The following RYR2 variants were observed in gnomAD, a reference collection of about 807,000 sequenced individuals.
RYR2 encodes the protein cardiac muscle ryanodine receptor-calcium release channel.
A neutral mutation model predicts 601.1 loss-of-function variants in RYR2; 227 were observed. That is an observed-to-expected ratio of 0.38 (90% CI 0.34 to 0.42). The LOEUF is 0.42. Ranked by LOEUF, RYR2 falls within the 10% of genes least tolerant of loss-of-function variation. The pLI, the probability that RYR2 is intolerant of heterozygous loss-of-function variation, is 1.00. For synonymous variants in RYR2, 2,223 were observed against 2,175.1 expected, an observed-to-expected ratio of 1.02 and a Z score of -0.61; for missense variants, 4,646 against 6,156.5, an observed-to-expected ratio of 0.75 and a Z score of 8.21.
chr1:237,137,094 C>A (rs181676558), intron 1 of RYR2, among the ~76,000 whole-genome samples: 158 of 150,746 alleles, frequency 1.0e-3, no homozygotes, highest in Admixed American at 3.4e-3. Flanking sequence ...CCATACTGTT[C>A]ATGGGCTATA....
chr1:237,696,906 C>T (rs1687501133), intron 63 of RYR2, among the ~76,000 whole-genome samples: 2 of 152,114 alleles, frequency 1.3e-5, no homozygotes, highest in Non-Finnish European at 2.9e-5. Context: ...CCCTAATTAT[C>T]TTCCACTTTT....
At chr1:237,256,862 CTT>C (rs1410889877) in intron 1 of RYR2, among the ~76,000 whole-genome samples, 1 of 152,164 alleles carries the variant, frequency 6.6e-6, no homozygotes, top group Admixed American at 6.5e-5. Context: ...ATTTGAGTGA[CTT>C]TACTTGAGGC....
At chr1:237,592,717 C>T (rs922190590) in intron 32 of RYR2, among the ~76,000 whole-genome samples, 4 of 150,972 alleles carry the variant, frequency 2.6e-5, no homozygotes, top group Admixed American at 1.3e-4. Context: ...AGGTGGGTGA[C>T]GAGTATAAAA....
At chr1:237,127,633 C>T (rs1444507014) in intron 1 of RYR2, among the ~76,000 whole-genome samples, 22 of 144,314 alleles carry the variant, frequency 1.5e-4, no homozygotes, top group African/African-American at 3.9e-4. Flanking sequence ...CCAGACGGGG[C>T]GGCTGCCGGG....
chr1:237,631,590 A>G (rs1573223069), intron 42 of RYR2, 49 bp downstream of exon 42: 2 of 550,982 alleles, frequency 3.6e-6, no homozygotes, highest in Non-Finnish European at 6.1e-6. Flanking sequence ...CTCCTGGAGT[A>G]TATAGATTGA....
At chr1:237,565,339 C>T (rs953367185) in intron 27 of RYR2, among the ~76,000 whole-genome samples, 4 of 151,872 alleles carry the variant, frequency 2.6e-5, no homozygotes, top group Non-Finnish European at 5.9e-5. Flanking sequence ...GACCATAGCT[C>T]ACTGCAACCT....
chr1:237,373,248 C>T (rs1414740375), intron 6 of RYR2, among the ~76,000 whole-genome samples: 1 of 152,122 alleles, frequency 6.6e-6, no homozygotes, highest in African/African-American at 2.4e-5. Context: ...GTTTAGGGAC[C>T]CTGGGAGCCT....
At chr1:237,817,755 A>C (rs1661993980) in intron 100 of RYR2, among the ~76,000 whole-genome samples, 1 of 152,196 alleles carries the variant, frequency 6.6e-6, no homozygotes, top group Non-Finnish European at 1.5e-5. Context: ...GGCAAAGGAG[A>C]CTGGAAAGCA....
chr1:237,380,664 A>G (rs193221448), intron 8 of RYR2, among the ~76,000 whole-genome samples: 239 of 151,982 alleles, frequency 1.6e-3, no homozygotes, highest in Middle Eastern at 0.01. Flanking sequence ...TAAAGAAGTT[A>G]GGCATGGTAG....
chr1:237,552,792 G>T (rs774321582), intron 27 of RYR2, among the ~76,000 whole-genome samples: 6 of 151,904 alleles, frequency 3.9e-5, no homozygotes, highest in Non-Finnish European at 7.4e-5. Flanking sequence ...ATAGATGGAT[G>T]ATGTGGGTTG....
chr1:237,813,245 G>A (rs967030129), intron 100 of RYR2, among the ~76,000 whole-genome samples: 6 of 152,156 alleles, frequency 3.9e-5, no homozygotes, highest in African/African-American at 1.2e-4. Context: ...AGGAAATTCA[G>A]TTCTATTCTA....
chr1:237,702,679 C>T (rs910440719), intron 66 of RYR2, among the ~76,000 whole-genome samples: 2 of 152,022 alleles, frequency 1.3e-5, no homozygotes, highest in Non-Finnish European at 2.9e-5. Flanking sequence ...AATTTCAGTA[C>T]AGCAAATTAC....
intron 2 of RYR2, among the ~76,000 whole-genome samples, chr1:237,314,257 G>C (rs893024888): frequency 6.6e-6 from 1 of 151,696 alleles, no homozygotes; most frequent in Non-Finnish European, 1.5e-5. Context: ...TTAGAGACAG[G>C]GTTTCACCAT....
intron 65 of RYR2, 39 bp from the exon 66 acceptor site, chr1:237,701,939 G>A: frequency 3.5e-6 from 4 of 1,148,284 alleles, no homozygotes; most frequent in Non-Finnish European, 2.6e-6. Flanking sequence ...GTATAAATAA[G>A]TGGGTTTTTC....
intron 1 of RYR2, among the ~76,000 whole-genome samples, chr1:237,141,971 C>T (rs1239021756): frequency 6.6e-6 from 1 of 152,228 alleles, no homozygotes; most frequent in African/African-American, 2.4e-5. Context: ...CCAGGATTTT[C>T]ACTTCCCCAG....
chr1:237,632,334 G>A (rs1006409529), intron 42 of RYR2, among the ~76,000 whole-genome samples: 1 of 151,056 alleles, frequency 6.6e-6, no homozygotes, highest in African/African-American at 2.4e-5. Flanking sequence ...AATCCAGATT[G>A]AGATTTGATG....
chr1:237,644,362 A>G (rs1681900425), intron 48 of RYR2, among the ~76,000 whole-genome samples: 1 of 151,846 alleles, frequency 6.6e-6, no homozygotes, highest in Non-Finnish European at 1.5e-5. Flanking sequence ...CCTCCCAAGT[A>G]GCAGGGACTA....
At chr1:237,211,897 G>C (rs1682622515) in intron 1 of RYR2, among the ~76,000 whole-genome samples, 1 of 152,144 alleles carries the variant, frequency 6.6e-6, no homozygotes, top group African/African-American at 2.4e-5. Flanking sequence ...TCACCTTTAT[G>C]GTGGGACATA....
At chr1:237,724,417 A>G (rs1209808809) in intron 74 of RYR2, among the ~76,000 whole-genome samples, 1 of 151,530 alleles carries the variant, frequency 6.6e-6, no homozygotes. Context: ...TATCCTTTTA[A>G]CTTCCTTCTT....
Sources: gnomAD v4.1 joint callset for allele counts (sites outside exome capture counted in the v4.1 genomes callset) on GRCh38, gnomAD v4.1.1 for gene constraint, MANE v1.5 for transcripts, NCBI Gene and HGNC (gene_info 2026-07-23, HGNC 2026-07-21) for gene names.